MGARP: variants seen among roughly 807,000 people sequenced by gnomAD.
The protein encoded by MGARP is protein MGARP.
A neutral mutation model predicts 11.0 loss-of-function variants in MGARP; 12 were observed. That is an observed-to-expected ratio of 1.09 (90% CI 0.70 to 1.77). MGARP has a LOEUF of 1.77. Among genes scored for constraint, MGARP ranks in the 40% most tolerant of loss-of-function variants. The pLI is 0.00. For missense variants in MGARP, 283 were observed against 297.8 expected (o/e 0.95, Z 0.36); for synonymous variants, 110 against 115.4 (o/e 0.95, Z 0.30).
chr4:139,268,838 C>G (rs1365637227), intron 2 of MGARP, 73 bp from the exon 3 acceptor site: 4 of 1,114,946 alleles, frequency 3.6e-6, no homozygotes, highest in Non-Finnish European at 3.9e-6. Context: ...AAGGTACACT[C>G]AAGTCTCCCT....
intron 1 of MGARP, among the ~76,000 whole-genome samples, chr4:139,279,074 G>A (rs978030296): frequency 6.6e-6 from 1 of 152,150 alleles, no homozygotes; most frequent in Non-Finnish European, 1.5e-5. Context: ...GCTAAGTGAA[G>A]AGAGCATTAA....
intron 1 of MGARP, among the ~76,000 whole-genome samples, chr4:139,276,742 T>C (rs1560933093): frequency 6.6e-6 from 1 of 152,062 alleles, no homozygotes; most frequent in Non-Finnish European, 1.5e-5. Flanking sequence ...CCAGCTACTT[T>C]GGGAGGCTGA....
rs1744934826 is a variant in MGARP at position 139,280,079 on chromosome 4, T to C, written c.80A>G (p.Asp27Gly). 5 of 1,611,994 alleles carry C rather than the reference T, an allele frequency of 3.1e-6. No individual in the cohort carries two copies. The highest frequency in any genetic ancestry group is 1.3e-5 in the African/African-American group (1 of 74,892). Reference protein sequence around the residue: ...APPNPAPLGKDASLRRMSSNR... With the variant: ...APPNPAPLGKGASLRRMSSNR... ...CCGGGCTAGACCTCCTTACTCACCG[T>C]CCTTTCCGAGCGGCGCGGGGTTGGG... Residue 27 changes from aspartate (D) to glycine (G), a missense_variant and splice_region_variant, in exon 1 of 4, where the codon GAC (aspartate) becomes GGC (glycine). Physicochemically the swap from Asp to Gly is moderately conservative, Grantham distance 94. Coordinates refer to ENST00000398955, the MANE Select transcript of MGARP (RefSeq NM_032623.4).
At chr4:139,274,732 C>T (rs1395507357) in intron 2 of MGARP, among the ~76,000 whole-genome samples, 1 of 152,144 alleles carries the variant, frequency 6.6e-6, no homozygotes, top group Non-Finnish European at 1.5e-5. Flanking sequence ...ATCCACCTGC[C>T]TCAGCCTCCC....
chr4:139,279,505 G>A (rs1040266598), intron 1 of MGARP, among the ~76,000 whole-genome samples: 2 of 152,060 alleles, frequency 1.3e-5, no homozygotes, highest in African/African-American at 2.4e-5. Flanking sequence ...AGGCGCTCGC[G>A]GGGTTCAGGC....
intron 1 of MGARP, among the ~76,000 whole-genome samples, chr4:139,276,976 A>G (rs1744884384): frequency 6.6e-6 from 1 of 152,238 alleles, no homozygotes; most frequent in Non-Finnish European, 1.5e-5. Flanking sequence ...AAATTCATTT[A>G]TGTTTCGTAT....
intron 2 of MGARP, among the ~76,000 whole-genome samples, chr4:139,272,734 C>T (rs1744804147): frequency 1.5e-5 from 2 of 134,642 alleles, no homozygotes; most frequent in Non-Finnish European, 3.1e-5. Flanking sequence ...GTCACCCAGG[C>T]TGAGTGCAGT....
rs553553320 is a variant in MGARP, at chr4:139,280,208, C to A, written c.-50G>T. On this transcript the variant is annotated 5_prime_UTR_variant, in exon 1 of 4. Transcript: ENST00000398955. ...AGCCTCGGTACCCAGGCGCAGGCTG[C>A]CCTTCCACAGAGAGGCTGAGAGCCT... 38 of 1,551,984 alleles carry A rather than the reference C, an allele frequency of 2.4e-5. No individual in the cohort carries two copies. In the African/African-American group the frequency reaches 3.5e-4, roughly 14 times the overall value.
At chr4:139,277,685 A>G (rs1036414843) in intron 1 of MGARP, among the ~76,000 whole-genome samples, 1 of 152,208 alleles carries the variant, frequency 6.6e-6, no homozygotes, top group African/African-American at 2.4e-5. Context: ...ATTTACTTAC[A>G]TGAGAAAATA....
intron 2 of MGARP, among the ~76,000 whole-genome samples, chr4:139,271,297 G>T (rs1012466988): frequency 4.6e-5 from 7 of 151,966 alleles, no homozygotes. Flanking sequence ...AGGCCGAGGC[G>T]GGTGGATCAC....
At chr4:139,278,660 G>C (rs1744909511) in intron 1 of MGARP, among the ~76,000 whole-genome samples, 1 of 152,102 alleles carries the variant, frequency 6.6e-6, no homozygotes, top group Non-Finnish European at 1.5e-5. Context: ...AAAACGAAAG[G>C]CCACGGTCAG....
At chr4:139,267,248 G>T (rs760250515) in intron 3 of MGARP, among the ~76,000 whole-genome samples, 20 of 152,094 alleles carry the variant, frequency 1.3e-4, no homozygotes, top group Admixed American at 3.9e-4. Context: ...GGAGCAGGAG[G>T]GGGGTAAGTT....
intron 2 of MGARP, 53 bp from the exon 3 acceptor site, chr4:139,268,818 G>A (rs1744734897): frequency 1.1e-5 from 15 of 1,360,974 alleles, no homozygotes; most frequent in Non-Finnish European, 1.3e-5. Flanking sequence ...GATTTGTCAC[G>A]CCACATCCAA....
intron 2 of MGARP, 111 bp downstream of exon 2, chr4:139,275,178 T>C (rs1265178240): frequency 2.5e-6 from 2 of 792,734 alleles, no homozygotes; most frequent in African/African-American, 3.5e-5. Flanking sequence ...AATCTATTGC[T>C]ATGTTGTATA....
intron 1 of MGARP, among the ~76,000 whole-genome samples, chr4:139,278,475 C>T (rs1023033915): frequency 2.6e-5 from 4 of 152,164 alleles, no homozygotes; most frequent in Non-Finnish European, 4.4e-5. Flanking sequence ...AGTACCTTTA[C>T]AAGCAGCATT....
intron 3 of MGARP, 35 bp downstream of exon 3, chr4:139,268,637 A>G: frequency 2.7e-6 from 4 of 1,475,510 alleles, no homozygotes; most frequent in South Asian, 2.4e-5. Context: ...GCCTCAAAAA[A>G]TAAATAAAAA....
intron 2 of MGARP, among the ~76,000 whole-genome samples, chr4:139,272,686 CTTTTTTT>C (rs774228171): frequency 3.6e-5 from 4 of 111,236 alleles, no homozygotes; most frequent in African/African-American, 7.3e-5. Context: ...ATTCATATTT[CTTTTTTT>C]TTTTTTTTTT....
chr4:139,270,357 C>T, intron 2 of MGARP, among the ~76,000 whole-genome samples: 1 of 150,360 alleles, frequency 6.7e-6, no homozygotes, highest in East Asian at 1.9e-4. Context: ...AGCCTGTAAT[C>T]GCAGCACTTT....
rs755368711 is a variant in MGARP, at chr4:139,280,199, C to A, written c.-41G>T. ...CCGCGCAGCAGCCTCGGTACCCAGG[C>A]GCAGGCTGCCCTTCCACAGAGAGGC... On this transcript the variant is annotated 5_prime_UTR_variant, in exon 1 of 4. Coordinates refer to ENST00000398955, the MANE Select transcript of MGARP (RefSeq NM_032623.4). 7.6e-6 allele frequency: 12 copies of A among 1,572,072 alleles called. No homozygotes were observed. Among genetic ancestry groups the A allele is most frequent in the Non-Finnish European group, 9.5e-6 (11 of 1,160,406 alleles).
Sources: gnomAD v4.1 joint callset for allele counts (sites outside exome capture counted in the v4.1 genomes callset) on GRCh38, gnomAD v4.1.1 for gene constraint, MANE v1.5 for transcripts, NCBI Gene and HGNC (gene_info 2026-07-23, HGNC 2026-07-21) for gene names.